The following ADCY10 variants were observed in gnomAD, a reference collection of about 807,000 sequenced individuals.
The protein encoded by ADCY10 is adenylate cyclase type 10.
ADCY10 carries 156 observed loss-of-function variants against 183.3 expected under a neutral mutation model. That is an observed-to-expected ratio of 0.85 (90% CI 0.75 to 0.97). ADCY10 has a LOEUF of 0.97. Ranked by LOEUF, ADCY10 falls within the 50% of genes least tolerant of loss-of-function variation. The pLI is 0.00. For synonymous variants in ADCY10, 645 were observed against 670.0 expected, an observed-to-expected ratio of 0.96 and a Z score of 0.58; for missense variants, 1,745 against 1,934.3, an observed-to-expected ratio of 0.90 and a Z score of 1.84.
In ADCY10 at chr1:167,892,939, A is replaced by G. The variant is rs559936611; in HGVS notation, c.828+914T>C. ...AAGGCTGTAGTGTTCTCTGGGTCTC[A>G]GTTTTCTCATGCATATAAAATGAGG... On this transcript the variant is annotated intron_variant, in intron 8 of 32. Coordinates refer to ENST00000367851, the MANE Select transcript of ADCY10 (RefSeq NM_018417.6). 2.6e-5 allele frequency among the ~76,000 whole-genome samples: 4 copies of G among 152,350 alleles called. No homozygotes were observed. In the South Asian group the frequency reaches 8.3e-4, roughly 32 times the overall value.
At position 167,848,363 on chromosome 1, in the gene ADCY10, T is replaced by C. The variant is rs749475257; in HGVS notation, c.2435A>G (p.Lys812Arg). ...TGCGCCCGGCCAGATTTTCTTACCT[T>C]TTAATGACGTTGGAGGTGACAGGTT... is the stretch of plus-strand genomic sequence containing the variant. ...LKNLSPPTSLKEISLIQLDSM... is the reference protein window; with the variant it reads ...LKNLSPPTSLREISLIQLDSM... The change falls in exon 19 of 33, where the codon AAA becomes AGA. Residue 812 changes from lysine (K) to arginine (R), a missense_variant and splice_region_variant. By Grantham distance (26) the Lys-to-Arg change is conservative (BLOSUM62 2). Coordinates refer to ENST00000367851, the MANE Select transcript of ADCY10 (RefSeq NM_018417.6). The C allele has an allele frequency of 6.2e-7, 1 of 1,613,528 alleles. No homozygotes were observed. Among genetic ancestry groups the C allele is most frequent in the Non-Finnish European group, 8.5e-7 (1 of 1,179,650 alleles).
chr1:167,837,375 T>C (rs1664293159), intron 21 of ADCY10, 57 bp from the exon 22 acceptor site: 1 of 1,433,392 alleles, frequency 7.0e-7, no homozygotes, highest in African/African-American at 1.4e-5. Flanking sequence ...GCAGTGGAGA[T>C]ATCTGCTGTC....
At chr1:167,843,535 C>T (rs145201565) in intron 21 of ADCY10, among the ~76,000 whole-genome samples, 32 of 152,144 alleles carry the variant, frequency 2.1e-4, no homozygotes, top group African/African-American at 7.7e-4. Context: ...CGCATCTTCT[C>T]GGTGCTCCAG....
intron 8 of ADCY10, 47 bp from the exon 9 acceptor site, chr1:167,883,675 C>A (rs1321633697): frequency 6.3e-7 from 1 of 1,591,454 alleles, no homozygotes. Flanking sequence ...GGCAGTGGAT[C>A]CCTCCCCCAA....
chr1:167,810,954 AG>A (rs1662170917), intron 31 of ADCY10, 41 bp from the exon 32 acceptor site: 3 of 1,582,172 alleles, frequency 1.9e-6, no homozygotes, highest in Non-Finnish European at 2.6e-6. Flanking sequence ...AGAATTAAAC[AG>A]GGGTCCTTGA....
intron 22 of ADCY10, chr1:167,836,911 G>C (rs1664249216): frequency 2.8e-6 from 1 of 358,654 alleles, no homozygotes; most frequent in East Asian, 7.1e-5. Context: ...TGTAGTCCCA[G>C]TTATTCAGGA....
At position 167,837,317 on chromosome 1, in the gene ADCY10, A is replaced by G. The variant is rs1664288448; in HGVS notation, c.3009T>C (p.Thr1003=). The part of the protein sequence containing the change: ...KKMAMSHGFK[T]EEKLILSNSE... ...AGTTGGACAAGATAAGCTTTTCTTCAGCTAGAAAATAAACAAATGAGTTGT... is the reference window on the plus strand; with the variant it reads ...AGTTGGACAAGATAAGCTTTTCTTCGGCTAGAAAATAAACAAATGAGTTGT... Residue 1003 remains threonine, a splice_region_variant and synonymous_variant, in exon 22 of 33, where the codon ACT becomes ACC. Transcript: ENST00000367851. 2 of 1,613,368 alleles carry G rather than the reference A, an allele frequency of 1.2e-6. No homozygotes were observed. Among genetic ancestry groups the G allele is most frequent in the African/African-American group, 1.3e-5 (1 of 74,940 alleles).
At chr1:167,891,925 A>G (rs997188586) in intron 8 of ADCY10, among the ~76,000 whole-genome samples, 4 of 152,002 alleles carry the variant, frequency 2.6e-5, no homozygotes, top group Non-Finnish European at 4.4e-5. Context: ...TTCTTTTTAT[A>G]AAAGAGATTT....
chr1:167,912,968 T>G (rs547956035), intron 1 of ADCY10, among the ~76,000 whole-genome samples: 1 of 152,354 alleles, frequency 6.6e-6, no homozygotes, highest in Admixed American at 6.5e-5. Flanking sequence ...TTCTACTATA[T>G]CATGCTATAT....
At chr1:167,861,949 G>T (rs893895142) in intron 14 of ADCY10, among the ~76,000 whole-genome samples, 1 of 152,166 alleles carries the variant, frequency 6.6e-6, no homozygotes, top group Non-Finnish European at 1.5e-5. Flanking sequence ...CACCATGTAA[G>T]ACATGCCTTG....
In ADCY10 at chr1:167,860,871, C is replaced by G; in HGVS notation, c.1809G>C (p.Gln603His). 1 of 1,613,778 alleles carries G rather than the reference C, an allele frequency of 6.2e-7. No homozygotes were observed. The highest frequency in any genetic ancestry group is 1.7e-5 in the Admixed American group (1 of 60,004). ...CAGAAGTATAATACTAGCTAGTTACCTGAACATGGAAAATGTCATTAAGAA... is the reference window on the plus strand; with the variant it reads ...CAGAAGTATAATACTAGCTAGTTACGTGAACATGGAAAATGTCATTAAGAA... Reference protein sequence around the residue: ...YCLLNDIFHVQFPISREISRM... With the variant: ...YCLLNDIFHVHFPISREISRM... Residue 603 changes from glutamine (Q) to histidine (H), a missense_variant and splice_region_variant, in exon 15 of 33, where the codon CAG (glutamine) becomes CAC (histidine). Transcript: ENST00000367851.
At chr1:167,815,444 A>G (rs188052330) in intron 31 of ADCY10, among the ~76,000 whole-genome samples, 2 of 152,286 alleles carry the variant, frequency 1.3e-5, no homozygotes, top group East Asian at 3.9e-4. Flanking sequence ...TCTAGCCATT[A>G]TGTCCCACCT....
rs113582348 is a variant in ADCY10, at chr1:167,824,267, G to A, written c.4052+209C>T. Among the ~76,000 whole-genome samples the A allele has an allele frequency of 0.018, 2,689 of 152,258 alleles. 83 individuals are homozygous for A. The highest frequency in any genetic ancestry group is 0.055 in the African/African-American group (2,273 of 41,524). ...AAACCCGGAAGGCAGAGGTTGCAGT[G>A]AGCCAAGATTGCACTACTGCACTCC... On this transcript the variant is annotated intron_variant, in intron 28 of 32. Transcript: ENST00000367851.
chr1:167,822,273 C>A, intron 29 of ADCY10, 132 bp from the exon 30 acceptor site: 1 of 757,044 alleles, frequency 1.3e-6, no homozygotes, highest in Non-Finnish European at 2.4e-6. Context: ...CAGAGGGTCC[C>A]GTGGATTGCA....
intron 13 of ADCY10, among the ~76,000 whole-genome samples, chr1:167,872,278 C>CA (rs1359359427): frequency 9.2e-5 from 14 of 151,660 alleles, no homozygotes; most frequent in African/African-American, 3.4e-4. Context: ...GCGGAGGTTA[C>CA]AGTAAGCCGA....
intron 21 of ADCY10, among the ~76,000 whole-genome samples, chr1:167,845,340 C>T (rs1664925526): frequency 6.6e-6 from 1 of 152,130 alleles, no homozygotes; most frequent in South Asian, 2.1e-4. Flanking sequence ...ATCCCCAAAC[C>T]CTCCCTGACA....
At chr1:167,875,908 G>A (rs553005240) in intron 12 of ADCY10, among the ~76,000 whole-genome samples, 6 of 150,600 alleles carry the variant, frequency 4.0e-5, no homozygotes, top group South Asian at 2.1e-4. Context: ...AGCCGAGATC[G>A]CACCACTGCA....
rs1571199400 is a variant in ADCY10 at position 167,812,803 on chromosome 1, A to G, written c.4483-1890T>C. ...ATGAAAATAATGGAAATAACAGTAA[A>G]GTGACAGAAAACCTAAAAATATACC... On this transcript the variant is annotated intron_variant, in intron 31 of 32. Transcript: ENST00000367851. 3.3e-5 allele frequency among the ~76,000 whole-genome samples: 5 copies of G among 152,332 alleles called. No homozygotes were observed. In the South Asian group the frequency reaches 1.0e-3, roughly 32 times the overall value.
intron 14 of ADCY10, among the ~76,000 whole-genome samples, chr1:167,866,913 C>T (rs535298308): frequency 1.3e-5 from 2 of 152,264 alleles, no homozygotes; most frequent in South Asian, 2.1e-4. Context: ...CTGGCAGCAA[C>T]GGCCCTGTTA....
Sources: allele counts gnomAD v4.1 joint callset (sites outside exome capture counted in the v4.1 genomes callset), GRCh38; gene constraint gnomAD v4.1.1; transcripts MANE v1.5; gene names NCBI Gene and HGNC (gene_info 2026-07-23, HGNC 2026-07-21).